MFSD12: variants seen among roughly 807,000 people sequenced by gnomAD.
MFSD12 encodes the protein major facilitator superfamily domain containing 12, also known as major facilitator superfamily domain-containing protein 12.
A neutral mutation model predicts 51.2 loss-of-function variants in MFSD12; 67 were observed. That is an observed-to-expected ratio of 1.31 (90% CI 1.08 to 1.60). The LOEUF is 1.60. Ranked by LOEUF, MFSD12 falls within the 40% of genes most tolerant of loss-of-function variation. The pLI is 0.00. For synonymous variants in MFSD12, 441 were observed against 316.7 expected, an observed-to-expected ratio of 1.39 and a Z score of -4.17; for missense variants, 921 against 673.0, an observed-to-expected ratio of 1.37 and a Z score of -4.08.
intron 2 of MFSD12, among the ~76,000 whole-genome samples, chr19:3,550,328 C>A (rs761329010): frequency 6.6e-6 from 1 of 152,034 alleles, no homozygotes; most frequent in Non-Finnish European, 1.5e-5. Context: ...GCAGGAGGAT[C>A]GCTTGAGCCC....
chr19:3,539,682 T>G, downstream of MFSD12: 1 of 179,264 alleles, frequency 5.6e-6, no homozygotes, highest in Non-Finnish European at 1.2e-5. Flanking sequence ...TCACCCGGCC[T>G]TCCTGTCTGC....
chr19:3,545,312 A>C (rs1027722816), intron 8 of MFSD12, among the ~76,000 whole-genome samples: 4 of 152,188 alleles, frequency 2.6e-5, no homozygotes, highest in African/African-American at 9.6e-5. Flanking sequence ...TCTTCTGCCC[A>C]CAGCTCTCTG....
In MFSD12 at chr19:3,551,287, G is replaced by A. The variant is rs113749508; in HGVS notation, c.299-93C>T. 7.3e-4 allele frequency: 752 copies of A among 1,026,360 alleles called. 6 individuals are homozygous for A. The African/African-American group carries it at 0.011, about 14-fold the overall frequency. 63.6% of individuals were successfully genotyped at this position (1,026,360 alleles called of 1,614,324 possible). On this transcript the variant is annotated intron_variant, in intron 1 of 9. Transcript: ENST00000355415. This position sits in a 1 kb window ranked among gnomAD's most constrained non-coding sequence, Gnocchi z 4.6. Reference sequence around the variant, plus strand: ...TGGAGGGAGGAGAGAGGGAAACTGAGGCACAGATGGAGACGCCCCCCGCAT... The same window carrying A: ...TGGAGGGAGGAGAGAGGGAAACTGAAGCACAGATGGAGACGCCCCCCGCAT...
chr19:3,541,927 A>G, downstream of MFSD12: 1 of 521,758 alleles, frequency 1.9e-6, no homozygotes, highest in Non-Finnish European at 2.5e-6. Context: ...CTCCTGCCTC[A>G]GCTTCCCGAG....
intron 2 of MFSD12, among the ~76,000 whole-genome samples, chr19:3,549,963 G>C (rs538268908): frequency 1.2e-4 from 19 of 152,246 alleles, no homozygotes; most frequent in Admixed American, 2.6e-4. Context: ...CGGTGTGTGA[G>C]CCTGGCCAAG....
intron 6 of MFSD12, 130 bp from the exon 7 acceptor site, chr19:3,546,555 T>G (rs1464649421): frequency 1.8e-6 from 2 of 1,125,634 alleles, no homozygotes; most frequent in African/African-American, 3.2e-5. Flanking sequence ...GAGCCCTGGC[T>G]CTGGCCCTGG....
chr19:3,544,390 C>T lies in MFSD12; in HGVS notation c.*320G>A, dbSNP rs2030757721. On this transcript the variant is annotated 3_prime_UTR_variant, in exon 10 of 10. Coordinates refer to ENST00000355415, the MANE Select transcript of MFSD12 (RefSeq NM_174983.5). ...GAGGTGAGGGGTGAACTGGACTGAG[C>T]TCAGGGTTAGGGTTCCCCCAGACCC... 2.3e-6 allele frequency: 3 copies of T among 1,302,018 alleles called. No individual in the cohort carries two copies. Among genetic ancestry groups the T allele is most frequent in the Admixed American group, 3.6e-5 (1 of 27,886 alleles). 80.7% of individuals were successfully genotyped at this position (1,302,018 alleles called of 1,614,324 possible). A position where few individuals can be genotyped will look rare whatever the true frequency, so the allele number is the denominator to read the frequency against.
chr19:3,545,141 A>T (rs927146069), intron 8 of MFSD12, among the ~76,000 whole-genome samples: 3 of 152,056 alleles, frequency 2.0e-5, no homozygotes, highest in African/African-American at 7.2e-5. Flanking sequence ...ATCCATGCCA[A>T]ATCCACCATG....
At position 3,544,420 on chromosome 19, in the gene MFSD12, G is replaced by A; in HGVS notation, c.*290C>T. ...GGTTAGGGTTCCCCCAGACCCTTCTGGGATTCCTACTTCCTGTTCCCTGCC... is the reference window on the plus strand; with the variant it reads ...GGTTAGGGTTCCCCCAGACCCTTCTAGGATTCCTACTTCCTGTTCCCTGCC... On this transcript the variant is annotated 3_prime_UTR_variant, in exon 10 of 10. Transcript: ENST00000355415. 3 of 1,326,972 alleles carry A rather than the reference G, an allele frequency of 2.3e-6. No homozygotes were observed. The highest frequency in any genetic ancestry group is 2.9e-6 in the Non-Finnish European group (3 of 1,040,284). The allele number at this position is 1,326,972 out of a possible 1,614,324, so 82.2% of individuals were successfully genotyped here.
At chr19:3,548,619 C>T (rs1030421277) in intron 2 of MFSD12, among the ~76,000 whole-genome samples, 2 of 152,156 alleles carry the variant, frequency 1.3e-5, no homozygotes, top group South Asian at 2.1e-4. Flanking sequence ...GGCTAAAGGG[C>T]GAGGGCTCCC....
downstream of MFSD12, chr19:3,543,850 G>C (rs1171679515): frequency 1.9e-6 from 3 of 1,544,602 alleles, no homozygotes; most frequent in Non-Finnish European, 2.6e-6. Context: ...AACCGGTACG[G>C]GGTGGAGCCA....
chr19:3,549,642 G>C (rs1206183154), intron 2 of MFSD12, among the ~76,000 whole-genome samples: 1 of 149,194 alleles, frequency 6.7e-6, no homozygotes, highest in Non-Finnish European at 1.5e-5. Flanking sequence ...AGAACCGCTT[G>C]AACCCAGGAG....
At chr19:3,549,354 G>A (rs2031320749) in intron 2 of MFSD12, among the ~76,000 whole-genome samples, 1 of 152,184 alleles carries the variant, frequency 6.6e-6, no homozygotes, top group African/African-American at 2.4e-5. Context: ...AGGGCTAAGT[G>A]GCATTCTATA....
At chr19:3,548,064 G>A (rs781584619) in intron 3 of MFSD12, 34 bp from the exon 4 acceptor site, 1 of 1,599,626 alleles carries the variant, frequency 6.3e-7, no homozygotes, top group East Asian at 2.2e-5. Flanking sequence ...AGTGGTGGCG[G>A]GCCCAGCCCC....
At position 3,552,415 on chromosome 19, in the gene MFSD12, G is replaced by A. The variant is rs139976484; in HGVS notation, c.299-1221C>T. On this transcript the variant is annotated intron_variant, in intron 1 of 9. Transcript: ENST00000355415. ...ATGCCTGACCTCAGGTGATCCACCC[G>A]CCTCGGCCTCTCAAAGTGCTGGGAT... Among the ~76,000 whole-genome samples, 652 of 147,268 alleles carry A rather than the reference G, an allele frequency of 4.4e-3. 6 individuals are homozygous for A. Among genetic ancestry groups the A allele is most frequent in the African/African-American group, 0.016 (616 of 39,714 alleles).
At position 3,544,480 on chromosome 19, in the gene MFSD12, A is replaced by C; in HGVS notation, c.*230T>G. On this transcript the variant is annotated 3_prime_UTR_variant, in exon 10 of 10. Transcript: ENST00000355415. ...ACCCCAAATCCTCCAGAGGGCTGGG[A>C]TGGATTAGAGTTGAGAATGGGACAC... 7.3e-7 allele frequency: 1 copy of C among 1,369,218 alleles called. No homozygotes were observed. Among genetic ancestry groups the C allele is most frequent in the Non-Finnish European group, 9.4e-7 (1 of 1,063,436 alleles). 84.8% of individuals were successfully genotyped at this position (1,369,218 alleles called of 1,614,324 possible).
downstream of MFSD12, chr19:3,543,156 C>G: frequency 6.6e-7 from 1 of 1,514,912 alleles, no homozygotes. Context: ...CTACATCATC[C>G]ACCCTGGCAG....
chr19:3,547,845 C>CACATT lies in MFSD12; in HGVS notation c.837+2_837+3insAATGT. 6.7e-7 allele frequency: 1 copy of CACATT among 1,496,820 alleles called. No homozygotes were observed. The highest frequency in any genetic ancestry group is 2.5e-5 in the East Asian group (1 of 40,804). The allele number at this position is 1,496,820 out of a possible 1,614,324, so 92.7% of individuals were successfully genotyped here. ...CGCCAGCCCCACCGTCCCCAGCACG[C>CACATT]ACCTGGTAGAAAGCCGGCTCCCGGA... On this transcript the variant is annotated splice_region_variant and intron_variant, in intron 4 of 9. Coordinates refer to ENST00000355415, the MANE Select transcript of MFSD12 (RefSeq NM_174983.5).
At chr19:3,546,831 T>C (rs1330703437) in intron 6 of MFSD12, among the ~76,000 whole-genome samples, 1 of 151,954 alleles carries the variant, frequency 6.6e-6, no homozygotes, top group Non-Finnish European at 1.5e-5. Context: ...TGTTCCCAGA[T>C]CTGGGGCTTT....
Sources: allele counts gnomAD v4.1 joint callset (sites outside exome capture counted in the v4.1 genomes callset), GRCh38; gene constraint gnomAD v4.1.1; non-coding constraint Gnocchi (gnomAD v3.1); transcripts MANE v1.5; gene names NCBI Gene and HGNC (gene_info 2026-07-23, HGNC 2026-07-21).